The following DSCAM variants were observed in gnomAD, a reference collection of about 807,000 sequenced individuals.
DSCAM encodes the protein DS cell adhesion molecule.
In DSCAM, 47 loss-of-function variants were observed where a neutral mutation model predicts 217.7. That is an observed-to-expected ratio of 0.22 (90% CI 0.17 to 0.28). The LOEUF (loss-of-function observed/expected upper bound fraction) is 0.28. Among genes scored for constraint, DSCAM ranks in the 10% least tolerant of loss-of-function variants. The pLI is 1.00. For missense variants in DSCAM, 2,080 were observed against 2,618.3 expected (o/e 0.79, Z 4.49); for synonymous variants, 1,056 against 1,015.3 (o/e 1.04, Z -0.76).
chr21:40,218,589 A>G (rs991022668), intron 11 of DSCAM, among the ~76,000 whole-genome samples: 16 of 151,772 alleles, frequency 1.1e-4, no homozygotes, highest in African/African-American at 3.9e-4. Context: ...TGGCAGTACC[A>G]TTTTAATGAT....
At position 40,276,276 on chromosome 21, in the gene DSCAM, A is replaced by G. The variant is rs1394079446; in HGVS notation, c.2183-6T>C. ...GAACTGGGGAACCCCAGCACCTGAG[A>G]CAGAAAAAGAAAGACGAGCAATGAT... On this transcript the variant is annotated splice_polypyrimidine_tract_variant and splice_region_variant and intron_variant, in intron 10 of 32. Coordinates refer to ENST00000400454, the MANE Select transcript of DSCAM (RefSeq NM_001389.5). 7 of 1,582,216 alleles carry G rather than the reference A, an allele frequency of 4.4e-6. No individual in the cohort carries two copies. In the Admixed American group the frequency reaches 1.1e-4, roughly 26 times the overall value.
intron 11 of DSCAM, among the ~76,000 whole-genome samples, chr21:40,208,493 T>C (rs1173079340): frequency 6.6e-6 from 1 of 152,194 alleles, no homozygotes; most frequent in Non-Finnish European, 1.5e-5. Context: ...GCAGCGAATC[T>C]CAAAGGGTTT....
intron 6 of DSCAM, among the ~76,000 whole-genome samples, chr21:40,342,648 A>ATATATTTTT (rs61637421): frequency 3.7e-5 from 3 of 80,320 alleles, no homozygotes; most frequent in African/African-American, 1.6e-4. Flanking sequence ...ATATATATAT[A>ATATATTTTT]TTTTTTTTTT....
At chr21:40,442,720 C>T (rs916697662) in intron 3 of DSCAM, among the ~76,000 whole-genome samples, 6 of 151,944 alleles carry the variant, frequency 3.9e-5, no homozygotes, top group Admixed American at 2.0e-4. Flanking sequence ...CCATATTGGC[C>T]GGGCTGGTCC....
intron 3 of DSCAM, among the ~76,000 whole-genome samples, chr21:40,611,799 A>G (rs1284408877): frequency 6.6e-6 from 1 of 152,056 alleles, no homozygotes; most frequent in Non-Finnish European, 1.5e-5. Context: ...TGAAGCATAT[A>G]CTAAATCACA....
chr21:40,569,502 G>A (rs540772264), intron 3 of DSCAM, among the ~76,000 whole-genome samples: 8 of 152,170 alleles, frequency 5.3e-5, no homozygotes, highest in East Asian at 1.9e-4. Flanking sequence ...TGTGAACTGC[G>A]GCATCAGCTC....
At chr21:40,396,859 G>T (rs949354873) in intron 3 of DSCAM, among the ~76,000 whole-genome samples, 12 of 152,046 alleles carry the variant, frequency 7.9e-5, no homozygotes, top group African/African-American at 2.7e-4. Context: ...AATTACATTT[G>T]TCTTATCTAA....
chr21:40,698,806 G>A (rs987515441), intron 2 of DSCAM, among the ~76,000 whole-genome samples: 11 of 150,108 alleles, frequency 7.3e-5, no homozygotes, highest in Non-Finnish European at 1.5e-4. Flanking sequence ...GGAGGCAGAG[G>A]TTGCAGTGAG....
intron 1 of DSCAM, among the ~76,000 whole-genome samples, chr21:40,782,540 C>A (rs906475014): frequency 6.6e-6 from 1 of 152,056 alleles, no homozygotes; most frequent in African/African-American, 2.4e-5. Flanking sequence ...CTAGTCTGGG[C>A]AATGCGGTGA....
intron 3 of DSCAM, among the ~76,000 whole-genome samples, chr21:40,388,169 G>A (rs970857586): frequency 6.6e-6 from 1 of 152,206 alleles, no homozygotes; most frequent in Non-Finnish European, 1.5e-5. Flanking sequence ...GCAGGCTTGC[G>A]CCTGGAACTA....
intron 3 of DSCAM, among the ~76,000 whole-genome samples, chr21:40,559,929 G>A (rs747995351): frequency 3.9e-4 from 59 of 151,656 alleles, no homozygotes; most frequent in African/African-American, 3.6e-4. Flanking sequence ...AGTAGCTGGG[G>A]CTACAGGCGC....
intron 20 of DSCAM, among the ~76,000 whole-genome samples, chr21:40,102,151 T>C (rs748150748): frequency 2.0e-5 from 3 of 152,184 alleles, no homozygotes; most frequent in Non-Finnish European, 4.4e-5. Flanking sequence ...AATTTAGATA[T>C]AAACTCGTTT....
intron 21 of DSCAM, among the ~76,000 whole-genome samples, chr21:40,092,142 T>C (rs1040923239): frequency 1.3e-5 from 2 of 152,182 alleles, no homozygotes; most frequent in East Asian, 3.8e-4. Flanking sequence ...AAAAATAATG[T>C]ATACACTTCC....
intron 4 of DSCAM, among the ~76,000 whole-genome samples, chr21:40,362,355 G>T (rs1216961214): frequency 1.3e-5 from 2 of 152,148 alleles, no homozygotes; most frequent in Non-Finnish European, 2.9e-5. Flanking sequence ...CATTTAACTT[G>T]TTCCGTTATT....
intron 20 of DSCAM, among the ~76,000 whole-genome samples, chr21:40,096,482 T>C (rs2089679095): frequency 1.3e-5 from 2 of 152,050 alleles, no homozygotes; most frequent in African/African-American, 4.8e-5. Flanking sequence ...CACATATTAA[T>C]AAATGATACA....
chr21:40,148,538 A>G (rs181393379), intron 16 of DSCAM, among the ~76,000 whole-genome samples: 129 of 152,238 alleles, frequency 8.5e-4, no homozygotes, highest in Middle Eastern at 3.4e-3. Context: ...TGTTTTTTAC[A>G]AAGGTAGTGT....
At chr21:40,712,514 A>G (rs1189165394) in intron 1 of DSCAM, among the ~76,000 whole-genome samples, 1 of 142,454 alleles carries the variant, frequency 7.0e-6, no homozygotes, top group Non-Finnish European at 1.5e-5. Context: ...ACATTTATCT[A>G]TTATATAAAC....
chr21:40,841,506 T>C (rs921891745), intron 1 of DSCAM, among the ~76,000 whole-genome samples: 1 of 152,208 alleles, frequency 6.6e-6, no homozygotes, highest in African/African-American at 2.4e-5. Context: ...CCCAGGTCTT[T>C]GGAACTTGAA....
intron 11 of DSCAM, among the ~76,000 whole-genome samples, chr21:40,200,623 A>C (rs2091060053): frequency 6.6e-6 from 1 of 152,128 alleles, no homozygotes; most frequent in South Asian, 2.1e-4. Context: ...TATTTTTTAG[A>C]GTCTGTAGAA....
Sources: gnomAD v4.1 joint callset for allele counts (sites outside exome capture counted in the v4.1 genomes callset) on GRCh38, gnomAD v4.1.1 for gene constraint, MANE v1.5 for transcripts, NCBI Gene and HGNC (gene_info 2026-07-23, HGNC 2026-07-21) for gene names.